MAGI2: variants seen among roughly 807,000 people sequenced by gnomAD.
MAGI2 encodes the protein membrane-associated guanylate kinase, WW and PDZ domain-containing protein 2.
A neutral mutation model predicts 133.3 loss-of-function variants in MAGI2; 35 were observed. That is an observed-to-expected ratio of 0.26 (90% CI 0.20 to 0.35). The LOEUF is 0.35. MAGI2 is among the 10% of genes least tolerant of loss of function. The pLI is 1.00. For synonymous variants in MAGI2, 729 were observed against 710.6 expected, an observed-to-expected ratio of 1.03 and a Z score of -0.41; for missense variants, 1,636 against 1,863.4, an observed-to-expected ratio of 0.88 and a Z score of 2.25.
intron 1 of MAGI2, among the ~76,000 whole-genome samples, chr7:79,237,071 C>T (rs974991877): frequency 3.9e-5 from 6 of 152,214 alleles, no homozygotes; most frequent in Non-Finnish European, 8.8e-5. Context: ...CTTGAATAGA[C>T]AGCTCTCAGT....
At chr7:79,222,464 A>T (rs1159652637) in intron 1 of MAGI2, among the ~76,000 whole-genome samples, 1 of 152,080 alleles carries the variant, frequency 6.6e-6, no homozygotes, top group African/African-American at 2.4e-5. Context: ...ATTACAGGAG[A>T]TGGTATTAGA....
Position 78,033,880 on chromosome 7 carries a change from G to A in MAGI2, c.3707-13904C>T, listed in dbSNP as rs952692842. On this transcript the variant is annotated intron_variant, in intron 21 of 21. Coordinates refer to ENST00000354212, the MANE Select transcript of MAGI2 (RefSeq NM_012301.4). ...TGGAGAACCCTGTGTGCCAACCAAG[G>A]AGTGGGACCCTCACCCTGTAGACAA... Among the ~76,000 whole-genome samples the A allele has an allele frequency of 3.9e-5, 6 of 152,284 alleles. No individual in the cohort carries two copies. The East Asian group carries it at 9.7e-4, about 25-fold the overall frequency.
intron 3 of MAGI2, among the ~76,000 whole-genome samples, chr7:78,586,724 A>T (rs1803456667): frequency 6.6e-6 from 1 of 151,706 alleles, no homozygotes; most frequent in South Asian, 2.1e-4. Context: ...TCAAACCAGA[A>T]CTCTCCATTC....
intron 21 of MAGI2, among the ~76,000 whole-genome samples, chr7:78,057,977 G>GTATGTATATATATATATATATATA (rs1812776156): frequency 2.3e-4 from 24 of 106,602 alleles, no homozygotes; most frequent in African/African-American, 7.1e-4. Flanking sequence ...ATATATATGT[G>GTATGTATATATATATATATATATA]TATATATATA....
intron 1 of MAGI2, among the ~76,000 whole-genome samples, chr7:79,069,759 T>C (rs1228746995): frequency 6.6e-6 from 1 of 152,204 alleles, no homozygotes; most frequent in Non-Finnish European, 1.5e-5. Context: ...TTCCTTTCGA[T>C]GTTTACTGCT....
intron 2 of MAGI2, among the ~76,000 whole-genome samples, chr7:78,850,769 G>A (rs1793062260): frequency 6.6e-6 from 1 of 151,992 alleles, no homozygotes; most frequent in South Asian, 2.1e-4. Context: ...GTCTTGCTAT[G>A]CCCCCAAATT....
At chr7:78,275,000 A>G (rs538332487) in intron 9 of MAGI2, among the ~76,000 whole-genome samples, 1 of 151,770 alleles carries the variant, frequency 6.6e-6, no homozygotes, top group South Asian at 2.1e-4. Flanking sequence ...TATGAAAAAA[A>G]AAACTCCTGC....
intron 20 of MAGI2, among the ~76,000 whole-genome samples, chr7:78,120,011 GT>G: frequency 6.6e-6 from 1 of 152,254 alleles, no homozygotes; most frequent in African/African-American, 2.4e-5. Context: ...ATTACATCAT[GT>G]TCATGGAAAG....
intron 10 of MAGI2, 79 bp downstream of exon 10, chr7:78,255,864 A>G (rs1428709259): frequency 7.2e-7 from 1 of 1,384,482 alleles, no homozygotes; most frequent in African/African-American, 1.4e-5. Flanking sequence ...CTCCAAGGAA[A>G]TCTGCATTTT....
chr7:78,082,584 A>T (rs1310313142), intron 20 of MAGI2, among the ~76,000 whole-genome samples: 1 of 152,086 alleles, frequency 6.6e-6, no homozygotes, highest in East Asian at 1.9e-4. Context: ...TATCAGTGCC[A>T]TTGGGTGGTG....
intron 2 of MAGI2, among the ~76,000 whole-genome samples, chr7:78,853,387 A>ACT (rs991805841): frequency 2.1e-5 from 2 of 93,424 alleles, no homozygotes; most frequent in African/African-American, 8.7e-5. Context: ...ACAGAGTCTC[A>ACT]CTCTGTAGTC....
intron 2 of MAGI2, among the ~76,000 whole-genome samples, chr7:78,950,314 C>G (rs1205657496): frequency 6.6e-6 from 1 of 152,138 alleles, no homozygotes; most frequent in South Asian, 2.1e-4. Flanking sequence ...GAGTGTAGCT[C>G]TTAGATATTT....
intron 18 of MAGI2, among the ~76,000 whole-genome samples, chr7:78,131,929 A>C (rs1821600550): frequency 6.6e-6 from 1 of 152,100 alleles, no homozygotes; most frequent in South Asian, 2.1e-4. Context: ...GCTGGAGTGT[A>C]ATGGGAACGT....
chr7:79,441,439 G>A (rs929194551), intron 1 of MAGI2, among the ~76,000 whole-genome samples: 4 of 152,144 alleles, frequency 2.6e-5, no homozygotes, highest in African/African-American at 7.2e-5. Flanking sequence ...TTAAAAGGGA[G>A]ATTTGGGATA....
intron 6 of MAGI2, among the ~76,000 whole-genome samples, chr7:78,416,297 G>A (rs746906675): frequency 3.3e-5 from 5 of 152,058 alleles, no homozygotes; most frequent in African/African-American, 4.8e-5. Flanking sequence ...TGGCAAGCTA[G>A]GGCTGAGATA....
chr7:78,449,795 C>T (rs1051805679), intron 6 of MAGI2, among the ~76,000 whole-genome samples: 17 of 151,954 alleles, frequency 1.1e-4, no homozygotes, highest in Admixed American at 5.9e-4. Context: ...ATCACTTAAC[C>T]GAGACTTTCA....
chr7:78,302,313 A>G (rs975435273), intron 9 of MAGI2, among the ~76,000 whole-genome samples: 1 of 152,196 alleles, frequency 6.6e-6, no homozygotes, highest in Non-Finnish European at 1.5e-5. Flanking sequence ...TAGAGAAAAA[A>G]AATTCAAAGA....
intron 2 of MAGI2, among the ~76,000 whole-genome samples, chr7:78,722,696 C>T (rs934623861): frequency 9.9e-5 from 15 of 152,168 alleles, no homozygotes; most frequent in Admixed American, 4.6e-4. Context: ...CTAAATTTAA[C>T]ACATACTCAA....
At chr7:78,876,291 C>T in intron 2 of MAGI2, among the ~76,000 whole-genome samples, 1 of 122,070 alleles carries the variant, frequency 8.2e-6, no homozygotes, top group African/African-American at 2.9e-5. Context: ...CACTGCACTC[C>T]AGCCCGGGTG....
Sources: allele counts gnomAD v4.1 joint callset (sites outside exome capture counted in the v4.1 genomes callset), GRCh38; gene constraint gnomAD v4.1.1; transcripts MANE v1.5; gene names NCBI Gene and HGNC (gene_info 2026-07-23, HGNC 2026-07-21).